The following LRP1B variants were observed in gnomAD, a reference collection of about 807,000 sequenced individuals.
LRP1B encodes the protein low-density lipoprotein receptor-related protein 1B.
LRP1B carries 217 observed loss-of-function variants against 556.6 expected under a neutral mutation model. That is an observed-to-expected ratio of 0.39 (90% CI 0.35 to 0.44). The LOEUF (loss-of-function observed/expected upper bound fraction) is 0.44. Ranked by LOEUF, LRP1B falls within the 20% of genes least tolerant of loss-of-function variation. The pLI, the probability that LRP1B is intolerant of heterozygous loss-of-function variation, is 1.00. For missense variants in LRP1B, 5,053 were observed against 5,620.8 expected, an observed-to-expected ratio of 0.90 and a Z score of 3.23; for synonymous variants, 2,047 against 1,865.8, an observed-to-expected ratio of 1.10 and a Z score of -2.50.
At chr2:141,678,982 T>A (rs1210040642) in intron 2 of LRP1B, among the ~76,000 whole-genome samples, 2 of 152,106 alleles carry the variant, frequency 1.3e-5, no homozygotes, top group African/African-American at 4.8e-5. Context: ...GAGGTAAGGT[T>A]ACCAAAAGGC....
At position 141,920,851 on chromosome 2, in the gene LRP1B, A is replaced by G. The variant is rs193253718; in HGVS notation, c.83-110450T>C. Among the ~76,000 whole-genome samples the G allele has an allele frequency of 2.7e-3, 416 of 152,134 alleles. 5 individuals carry two copies. Among genetic ancestry groups the G allele is most frequent in the Non-Finnish European group, 2.3e-3 (159 of 67,888 alleles). On this transcript the variant is annotated intron_variant, in intron 1 of 90. Coordinates refer to ENST00000389484, the MANE Select transcript of LRP1B (RefSeq NM_018557.3). ...TAATGTATGGATTTATTCCAGTAAT[A>G]TAAGTTTGCACTTGTCCTCTAAACA...
chr2:141,927,986 C>T (rs1488639562), intron 1 of LRP1B, among the ~76,000 whole-genome samples: 3 of 150,548 alleles, frequency 2.0e-5, no homozygotes, highest in African/African-American at 7.3e-5. Context: ...GTTCTACCAT[C>T]TACCATGCAT....
At chr2:141,009,606 T>C (rs1697681933) in intron 14 of LRP1B, among the ~76,000 whole-genome samples, 1 of 151,982 alleles carries the variant, frequency 6.6e-6, no homozygotes, top group Non-Finnish European at 1.5e-5. Flanking sequence ...CTAAAGCTTA[T>C]TAAACCTATA....
chr2:141,369,874 TAAA>T (rs908340767), intron 3 of LRP1B, among the ~76,000 whole-genome samples: 9 of 152,170 alleles, frequency 5.9e-5, no homozygotes, highest in African/African-American at 1.9e-4. Context: ...AGCTCCCACT[TAAA>T]AAAGAACATG....
intron 7 of LRP1B, among the ~76,000 whole-genome samples, chr2:141,097,086 T>C (rs1297312067): frequency 6.6e-6 from 1 of 152,212 alleles, no homozygotes; most frequent in Non-Finnish European, 1.5e-5. Flanking sequence ...CTGTGGCTCT[T>C]AATAAATGTC....
intron 1 of LRP1B, among the ~76,000 whole-genome samples, chr2:142,047,802 C>T (rs1221522262): frequency 6.6e-6 from 1 of 151,952 alleles, no homozygotes; most frequent in African/African-American, 2.4e-5. Flanking sequence ...TCAGAGGATC[C>T]AGGACAATGC....
intron 69 of LRP1B, among the ~76,000 whole-genome samples, chr2:140,371,558 A>C (rs978378612): frequency 4.0e-5 from 6 of 151,852 alleles, no homozygotes; most frequent in Middle Eastern, 3.4e-3. Flanking sequence ...GAAGGAAAAA[A>C]AAACAAACAA....
intron 11 of LRP1B, among the ~76,000 whole-genome samples, chr2:141,028,520 T>G (rs769190886): frequency 4.6e-5 from 7 of 151,998 alleles, no homozygotes; most frequent in Non-Finnish European, 7.4e-5. Context: ...AATAAAAATA[T>G]GTAAGGTTTT....
intron 41 of LRP1B, among the ~76,000 whole-genome samples, chr2:140,692,403 A>T (rs1219812223): frequency 6.6e-6 from 1 of 152,164 alleles, no homozygotes; most frequent in Non-Finnish European, 1.5e-5. Context: ...GTGAAAGTAT[A>T]TGAACCATTT....
At chr2:141,487,773 G>A (rs1441085484) in intron 2 of LRP1B, among the ~76,000 whole-genome samples, 3 of 152,062 alleles carry the variant, frequency 2.0e-5, no homozygotes, top group African/African-American at 7.2e-5. Flanking sequence ...TCAAACCCTA[G>A]TCTCTCCATA....
chr2:140,689,202 T>C (rs762975446), intron 41 of LRP1B, among the ~76,000 whole-genome samples: 7 of 152,170 alleles, frequency 4.6e-5, no homozygotes, highest in Non-Finnish European at 8.8e-5. Flanking sequence ...GTAGAGAAGA[T>C]TGAAAACCTA....
intron 18 of LRP1B, among the ~76,000 whole-genome samples, chr2:140,973,603 C>G (rs1446048777): frequency 1.3e-5 from 2 of 152,058 alleles, no homozygotes; most frequent in Non-Finnish European, 2.9e-5. Flanking sequence ...ACTGAAAACT[C>G]AACATGTCAG....
intron 3 of LRP1B, among the ~76,000 whole-genome samples, chr2:141,435,975 C>A (rs115460992): frequency 1.0e-3 from 157 of 152,288 alleles, no homozygotes; most frequent in African/African-American, 3.7e-3. Flanking sequence ...TTCTTGACTG[C>A]ATATGACCAT....
intron 67 of LRP1B, among the ~76,000 whole-genome samples, chr2:140,384,368 C>G (rs142996164): frequency 6.6e-6 from 1 of 151,994 alleles, no homozygotes; most frequent in South Asian, 2.1e-4. Flanking sequence ...CTATCCCTAC[C>G]AGCTCCACCC....
chr2:142,015,785 C>A (rs759438355), intron 1 of LRP1B, among the ~76,000 whole-genome samples: 20 of 151,600 alleles, frequency 1.3e-4, no homozygotes, highest in African/African-American at 3.1e-4. Context: ...CGAGGTCAGG[C>A]GATCGAGACC....
intron 3 of LRP1B, among the ~76,000 whole-genome samples, chr2:141,332,899 T>C (rs1197741247): frequency 6.6e-6 from 1 of 152,108 alleles, no homozygotes; most frequent in East Asian, 1.9e-4. Flanking sequence ...TCTCTTTCCA[T>C]TGCATTCTTT....
intron 1 of LRP1B, among the ~76,000 whole-genome samples, chr2:141,814,614 T>C (rs889172711): frequency 1.3e-5 from 2 of 152,196 alleles, no homozygotes; most frequent in African/African-American, 4.8e-5. Context: ...ATCTAATAAA[T>C]GCCAGCATCT....
intron 3 of LRP1B, among the ~76,000 whole-genome samples, chr2:141,358,162 A>G (rs1688690985): frequency 1.3e-5 from 2 of 152,210 alleles, no homozygotes; most frequent in South Asian, 4.1e-4. Context: ...TCCTACTCCA[A>G]AATATGCAGA....
intron 3 of LRP1B, among the ~76,000 whole-genome samples, chr2:141,395,799 GAAGCCTGATGCAT>G (rs1690220300): frequency 6.6e-6 from 1 of 152,138 alleles, no homozygotes; most frequent in African/African-American, 2.4e-5. Flanking sequence ...AAGTATTTCA[GAAGCCTGATGCAT>G]AAGCATGAAG....
Sources: allele counts gnomAD v4.1 joint callset (sites outside exome capture counted in the v4.1 genomes callset), GRCh38; gene constraint gnomAD v4.1.1; transcripts MANE v1.5; gene names NCBI Gene and HGNC (gene_info 2026-07-23, HGNC 2026-07-21).